The following RASGRF2 variants were observed in gnomAD, a reference collection of about 807,000 sequenced individuals.
The protein encoded by RASGRF2 is ras-specific guanine nucleotide-releasing factor 2.
In RASGRF2, 76 loss-of-function variants were observed where a neutral mutation model predicts 151.0. That is an observed-to-expected ratio of 0.50 (90% confidence interval 0.42 to 0.61). RASGRF2 has a LOEUF of 0.61. RASGRF2 is among the 20% of genes least tolerant of loss of function. RASGRF2 has a pLI of 0.00. For missense variants in RASGRF2, 1,148 were observed against 1,564.6 expected (o/e 0.73, Z 4.49); for synonymous variants, 504 against 566.5 (o/e 0.89, Z 1.57).
intron 18 of RASGRF2, among the ~76,000 whole-genome samples, chr5:81,184,292 A>G (rs894638536): frequency 1.3e-5 from 2 of 152,124 alleles, no homozygotes; most frequent in African/African-American, 4.8e-5. Context: ...CACAATTCCC[A>G]GGTCCCTGCA....
At chr5:81,057,285 G>T (rs1751251273) in intron 2 of RASGRF2, among the ~76,000 whole-genome samples, 1 of 151,910 alleles carries the variant, frequency 6.6e-6, no homozygotes, top group South Asian at 2.1e-4. Context: ...TTCCTTTAGT[G>T]ACCTGGGCTG....
chr5:80,996,360 G>C (rs139215297), intron 1 of RASGRF2, among the ~76,000 whole-genome samples: 1 of 151,476 alleles, frequency 6.6e-6, no homozygotes, highest in East Asian at 1.9e-4. Context: ...TTTTGTTTCC[G>C]TTCTGTATAC....
chr5:81,159,621 G>A (rs1212953349), intron 17 of RASGRF2, among the ~76,000 whole-genome samples: 1 of 152,158 alleles, frequency 6.6e-6, no homozygotes, highest in Non-Finnish European at 1.5e-5. Context: ...TGATTGAAAC[G>A]TTCTATAATT....
intron 2 of RASGRF2, among the ~76,000 whole-genome samples, chr5:81,045,017 A>G (rs987774186): frequency 6.6e-6 from 1 of 152,162 alleles, no homozygotes; most frequent in Non-Finnish European, 1.5e-5. Flanking sequence ...GCCACGAGTC[A>G]TCATGACCCC....
intron 17 of RASGRF2, among the ~76,000 whole-genome samples, chr5:81,141,550 G>A (rs916300021): frequency 6.6e-6 from 1 of 152,168 alleles, no homozygotes; most frequent in Non-Finnish European, 1.5e-5. Context: ...TGCTTTCTTT[G>A]CCCTGATATA....
chr5:81,163,807 C>A (rs753452638), intron 17 of RASGRF2, among the ~76,000 whole-genome samples: 1 of 152,012 alleles, frequency 6.6e-6, no homozygotes. Context: ...ATTCAAGAAC[C>A]CTTAGAAGGT....
At chr5:81,065,121 T>C (rs1051486523) in intron 2 of RASGRF2, among the ~76,000 whole-genome samples, 3 of 152,144 alleles carry the variant, frequency 2.0e-5, no homozygotes, top group African/African-American at 2.4e-5. Context: ...TGCATCTTGA[T>C]TGACACCGTG....
chr5:81,187,199 G>A, intron 18 of RASGRF2, among the ~76,000 whole-genome samples: 1 of 152,188 alleles, frequency 6.6e-6, no homozygotes, highest in Non-Finnish European at 1.5e-5. Context: ...CTGTGATGGT[G>A]GAAATGTTCT....
chr5:81,217,557 C>CTT (rs35574358), intron 25 of RASGRF2, 84 bp downstream of exon 25: 43 of 426,682 alleles, frequency 1.0e-4, no homozygotes, highest in East Asian at 1.8e-4. Context: ...TCAATGTCTG[C>CTT]TTTTTTTTTT....
chr5:81,175,167 T>C (rs1754746561), intron 17 of RASGRF2, among the ~76,000 whole-genome samples: 1 of 152,214 alleles, frequency 6.6e-6, no homozygotes, highest in Non-Finnish European at 1.5e-5. Flanking sequence ...GGGATAACAA[T>C]GTTTAACCTA....
chr5:80,974,153 C>A (rs1748033687), intron 1 of RASGRF2, among the ~76,000 whole-genome samples: 1 of 152,160 alleles, frequency 6.6e-6, no homozygotes, highest in African/African-American at 2.4e-5. Context: ...ATCAGAAAAC[C>A]AGTCCTTATT....
intron 1 of RASGRF2, among the ~76,000 whole-genome samples, chr5:81,039,562 T>A (rs1001044009): frequency 4.6e-5 from 7 of 152,164 alleles, no homozygotes; most frequent in African/African-American, 1.7e-4. Context: ...TTACATTGGA[T>A]TTTAAACTGG....
intron 17 of RASGRF2, among the ~76,000 whole-genome samples, chr5:81,155,243 T>A (rs969619792): frequency 1.3e-5 from 2 of 152,082 alleles, no homozygotes; most frequent in Admixed American, 6.5e-5. Flanking sequence ...GTTTCCACCC[T>A]CAGAAATTAT....
rs528561464 is a variant in RASGRF2 at position 80,988,335 on chromosome 5, G to A, written c.288+27309G>A. Among the ~76,000 whole-genome samples, 7 of 152,208 alleles carry A rather than the reference G, an allele frequency of 4.6e-5. No individual in the cohort carries two copies. The South Asian group carries it at 1.0e-3, about 23-fold the overall frequency. On this transcript the variant is annotated intron_variant, in intron 1 of 26. Transcript: ENST00000265080. ...CAAAGTGCTGGGATTACAGTGATGA[G>A]CCACCACACCCGGCCTATCATCTCT...
rs1472247403 is a variant in RASGRF2, at chr5:81,135,652, T to C, written c.2686+8489T>C. ...GTGGAATAGTATTCTATTGTATGGA[T>C]ATACCACATTTTATTTATCCATTCA... On this transcript the variant is annotated intron_variant, in intron 17 of 26. Transcript: ENST00000265080. Among the ~76,000 whole-genome samples the C allele has an allele frequency of 3.9e-5, 6 of 152,364 alleles. No homozygotes were observed. In the East Asian group the frequency reaches 1.2e-3, roughly 29 times the overall value.
chr5:81,121,526 G>A (rs1318002057), intron 15 of RASGRF2, among the ~76,000 whole-genome samples: 1 of 152,200 alleles, frequency 6.6e-6, no homozygotes, highest in South Asian at 2.1e-4. Flanking sequence ...GTCAAACAAT[G>A]TGAGGAGAAA....
At position 81,217,481 on chromosome 5, in the gene RASGRF2, T is replaced by C; in HGVS notation, c.3552+8T>C. 6.2e-7 allele frequency: 1 copy of C among 1,605,802 alleles called. No individual in the cohort carries two copies. The highest frequency in any genetic ancestry group is 1.7e-4 in the Middle Eastern group (1 of 6,026). Reference sequence around the variant, plus strand: ...TTCTCCAAAATGAGAATGGTAGGTATAATTTCATAATTAGCCTGTTTCAAT... The same window carrying C: ...TTCTCCAAAATGAGAATGGTAGGTACAATTTCATAATTAGCCTGTTTCAAT... On this transcript the variant is annotated splice_region_variant and intron_variant, in intron 25 of 26. Coordinates refer to ENST00000265080, the MANE Select transcript of RASGRF2 (RefSeq NM_006909.3).
rs184730487 is a variant in RASGRF2, at chr5:81,090,697, G to A, written c.1391-2104G>A. The stretch of plus-strand genomic sequence containing the variant: ...AAGCATATTAGTGTATGGTTGCCAA[G>A]GAAACATTTATTTTTTTTGTCTCAC... On this transcript the variant is annotated intron_variant, in intron 9 of 26. Transcript: ENST00000265080. Among the ~76,000 whole-genome samples the A allele has an allele frequency of 3.3e-5, 5 of 152,108 alleles. No individual in the cohort carries two copies. In the East Asian group the frequency reaches 9.6e-4, roughly 29 times the overall value.
Position 81,149,594 on chromosome 5 carries a change from A to G in RASGRF2, c.2686+22431A>G, listed in dbSNP as rs140316045. Among the ~76,000 whole-genome samples the G allele has an allele frequency of 1.7e-3, 257 of 152,188 alleles. 2 individuals carry two copies. In the East Asian group the frequency reaches 0.044, roughly 26 times the overall value. On this transcript the variant is annotated intron_variant, in intron 17 of 26. Transcript: ENST00000265080. ...CACTAAATCACTTATCCATGTAACC[A>G]GAAACCACCTGAAACTGTTGAAATA...
Sources: allele counts gnomAD v4.1 joint callset (sites outside exome capture counted in the v4.1 genomes callset), GRCh38; gene constraint gnomAD v4.1.1; transcripts MANE v1.5; gene names NCBI Gene and HGNC (gene_info 2026-07-23, HGNC 2026-07-21).